The following LGSN variants were observed in gnomAD, a reference collection of about 807,000 sequenced individuals.
LGSN encodes lengsin, lens protein with glutamine synthetase domain, also known as lengsin.
A neutral mutation model predicts 19.5 loss-of-function variants in LGSN; 21 were observed. That is an observed-to-expected ratio of 1.07 (90% CI 0.76 to 1.55). The LOEUF (loss-of-function observed/expected upper bound fraction) is 1.55. Ranked by LOEUF, LGSN falls within the 40% of genes most tolerant of loss-of-function variation. LGSN has a pLI of 0.00. For synonymous variants in LGSN, 257 were observed against 215.6 expected, an observed-to-expected ratio of 1.19 and a Z score of -1.68; for missense variants, 673 against 608.5, an observed-to-expected ratio of 1.11 and a Z score of -1.12.
intron 3 of LGSN, among the ~76,000 whole-genome samples, chr6:63,282,451 T>C (rs1266985706): frequency 1.3e-5 from 2 of 152,264 alleles, no homozygotes; most frequent in African/African-American, 4.8e-5. Flanking sequence ...GCAGATTTGG[T>C]GTCTGGTGAG....
chr6:63,477,044 A>T, the LGSN span, among the ~76,000 whole-genome samples: 2 of 152,202 alleles, frequency 1.3e-5, no homozygotes, highest in Non-Finnish European at 2.9e-5. Context: ...TTCTCTTTTT[A>T]AATTTGTTTC....
the LGSN span, among the ~76,000 whole-genome samples, chr6:63,510,811 C>A: frequency 6.6e-6 from 1 of 151,426 alleles, no homozygotes; most frequent in African/African-American, 2.4e-5. Context: ...GTAGCTGGGA[C>A]AACAGGCGCA....
the LGSN span, among the ~76,000 whole-genome samples, chr6:63,423,294 C>T: frequency 6.6e-6 from 1 of 152,106 alleles, no homozygotes; most frequent in Non-Finnish European, 1.5e-5. Context: ...CAGTGACCTG[C>T]GATTGTGTCA....
At chr6:63,361,784 G>A in the LGSN span, among the ~76,000 whole-genome samples, 3 of 152,094 alleles carry the variant, frequency 2.0e-5, no homozygotes, top group Admixed American at 1.3e-4. Context: ...GTTCCTATTC[G>A]ACCATCTTGG....
the LGSN span, among the ~76,000 whole-genome samples, chr6:63,450,794 A>G: frequency 6.6e-6 from 1 of 151,630 alleles, no homozygotes; most frequent in Non-Finnish European, 1.5e-5. Flanking sequence ...TGTCTCAGCC[A>G]CCTGAGTAGC....
chr6:63,541,325 CG>C, the LGSN span, among the ~76,000 whole-genome samples: 1 of 151,916 alleles, frequency 6.6e-6, no homozygotes, highest in Admixed American at 6.6e-5. Flanking sequence ...GAGGTCAAGG[CG>C]GGTGGATCAT....
At chr6:63,412,555 AAAGAAAGAAAGAAAGG>A in the LGSN span, among the ~76,000 whole-genome samples, 1 of 138,846 alleles carries the variant, frequency 7.2e-6, no homozygotes, top group African/African-American at 3.0e-5. Context: ...AGAAAGAAAG[AAAGAAAGAAAGAAAGG>A]AAGGAAGGAA....
chr6:63,556,637 G>T, the LGSN span, among the ~76,000 whole-genome samples: 1 of 152,188 alleles, frequency 6.6e-6, no homozygotes, highest in Non-Finnish European at 1.5e-5. Flanking sequence ...CAAAGGCTTT[G>T]CCAAAAAGAT....
chr6:63,299,926 C>T (rs1342160208), intron 1 of LGSN, among the ~76,000 whole-genome samples: 1 of 152,134 alleles, frequency 6.6e-6, no homozygotes, highest in African/African-American at 2.4e-5. Flanking sequence ...AATTTTGATA[C>T]GTGCTTGATT....
At chr6:63,484,217 A>C in the LGSN span, among the ~76,000 whole-genome samples, 1 of 152,250 alleles carries the variant, frequency 6.6e-6, no homozygotes, top group African/African-American at 2.4e-5. Flanking sequence ...GGCATCAAAA[A>C]TCTGGGCAAG....
chr6:63,553,649 A>T, the LGSN span, among the ~76,000 whole-genome samples: 2 of 152,198 alleles, frequency 1.3e-5, no homozygotes, highest in African/African-American at 4.8e-5. Flanking sequence ...GCTTCCTGGT[A>T]AAGAATTGAT....
chr6:63,536,623 T>A, the LGSN span, among the ~76,000 whole-genome samples: 3 of 152,234 alleles, frequency 2.0e-5, no homozygotes, highest in Non-Finnish European at 4.4e-5. Context: ...AATATTTTTC[T>A]ACTGTAACAT....
At chr6:63,442,967 T>G in the LGSN span, among the ~76,000 whole-genome samples, 6 of 152,200 alleles carry the variant, frequency 3.9e-5, no homozygotes, top group Non-Finnish European at 7.4e-5. Context: ...TCCTCAACCC[T>G]TGGCGATGGG....
At chr6:63,472,581 T>A in the LGSN span, among the ~76,000 whole-genome samples, 3 of 152,154 alleles carry the variant, frequency 2.0e-5, no homozygotes, top group Non-Finnish European at 4.4e-5. Flanking sequence ...ACAACCACTG[T>A]TTTGGGACAA....
At chr6:63,458,578 G>A in the LGSN span, among the ~76,000 whole-genome samples, 2 of 152,008 alleles carry the variant, frequency 1.3e-5, no homozygotes, top group East Asian at 3.9e-4. Flanking sequence ...TCGGTCCTAG[G>A]ACCCAGCTAA....
the LGSN span, among the ~76,000 whole-genome samples, chr6:63,419,758 G>A: frequency 6.6e-6 from 1 of 151,002 alleles, no homozygotes; most frequent in Non-Finnish European, 1.5e-5. Flanking sequence ...CGTGTTGGTG[G>A]ACGCCTATAA....
At position 63,279,927 on chromosome 6, in the gene LGSN, G is replaced by A; in HGVS notation, c.*94C>T. 5 of 1,139,030 alleles carry A rather than the reference G, an allele frequency of 4.4e-6. No individual in the cohort carries two copies. The highest frequency in any genetic ancestry group is 1.6e-5 in the South Asian group (1 of 62,816). The allele number at this position is 1,139,030 out of a possible 1,614,324, so 70.6% of individuals were successfully genotyped here. ...AAGCATTCGTAATCTTGTTATTGTT[G>A]CTGTTGTTAATTACAAAAGTTCAGT... is the stretch of plus-strand genomic sequence containing the variant. On this transcript the variant is annotated 3_prime_UTR_variant, in exon 4 of 4. Coordinates refer to ENST00000370657, the MANE Select transcript of LGSN (RefSeq NM_016571.3).
At chr6:63,485,534 C>T in the LGSN span, among the ~76,000 whole-genome samples, 1 of 152,030 alleles carries the variant, frequency 6.6e-6, no homozygotes, top group African/African-American at 2.4e-5. Context: ...ATTTATATTC[C>T]TTTGAGCATA....
At chr6:63,556,036 A>G in the LGSN span, among the ~76,000 whole-genome samples, 6 of 152,224 alleles carry the variant, frequency 3.9e-5, no homozygotes, top group Middle Eastern at 3.4e-3. Context: ...GTATAACACA[A>G]TAAAGACAAT....
Sources: allele counts gnomAD v4.1 joint callset (sites outside exome capture counted in the v4.1 genomes callset), GRCh38; gene constraint gnomAD v4.1.1; transcripts MANE v1.5; gene names NCBI Gene and HGNC (gene_info 2026-07-23, HGNC 2026-07-21).